Variants in HSPH1 observed in about 807,000 individuals in gnomAD.
The protein encoded by HSPH1 is heat shock protein family H (Hsp110) member 1.
HSPH1 carries 40 observed loss-of-function variants against 100.0 expected under a neutral mutation model. That is an observed-to-expected ratio of 0.40 (90% CI 0.31 to 0.52). The LOEUF is 0.52. Ranked by LOEUF, HSPH1 falls within the 20% of genes least tolerant of loss-of-function variation. The pLI is 0.54. For missense variants in HSPH1, 876 were observed against 1,015.1 expected, an observed-to-expected ratio of 0.86 and a Z score of 1.86; for synonymous variants, 403 against 344.0, an observed-to-expected ratio of 1.17 and a Z score of -1.90.
rs1329605901 is a variant in HSPH1, at chr13:31,147,383, C to T, written c.1378+576G>A. Among the ~76,000 whole-genome samples the T allele has an allele frequency of 1.3e-4, 20 of 152,072 alleles. 1 individual carries two copies. Among genetic ancestry groups the T allele is most frequent in the Non-Finnish European group, 2.6e-4 (18 of 67,964 alleles). On this transcript the variant is annotated intron_variant, in intron 10 of 17. Transcript: ENST00000320027. Reference sequence around the variant, plus strand: ...TATGAAAAGGTGTGAGGCAAGGGTACGTCCTGAAAAGACCTAGCAATATTG... The same window carrying T: ...TATGAAAAGGTGTGAGGCAAGGGTATGTCCTGAAAAGACCTAGCAATATTG...
chr13:31,146,219 A>G (rs1593191582), intron 10 of HSPH1, among the ~76,000 whole-genome samples: 1 of 152,194 alleles, frequency 6.6e-6, no homozygotes, highest in African/African-American at 2.4e-5. Flanking sequence ...GAGAACTGCT[A>G]TTGTAAAATC....
intron 12 of HSPH1, among the ~76,000 whole-genome samples, chr13:31,143,137 A>AAT (rs1956156191): frequency 6.6e-6 from 1 of 152,140 alleles, no homozygotes; most frequent in Non-Finnish European, 1.5e-5. Flanking sequence ...ACTTGTACAG[A>AAT]AAATAAAGTT....
chr13:31,142,552 G>A (rs763953654), intron 12 of HSPH1, among the ~76,000 whole-genome samples: 1 of 152,052 alleles, frequency 6.6e-6, no homozygotes, highest in African/African-American at 2.4e-5. Context: ...GAAACAAATG[G>A]ATAACAGCAC....
chr13:31,152,136 C>T (rs1199440930), intron 5 of HSPH1: 3 of 155,468 alleles, frequency 1.9e-5, no homozygotes, highest in African/African-American at 7.2e-5. Context: ...TAGTTCCTAC[C>T]AATTTTTAGA....
chr13:31,161,692 C>G lies in HSPH1; in HGVS notation c.-110G>C. On this transcript the variant is annotated 5_prime_UTR_variant, in exon 1 of 18. Coordinates refer to ENST00000320027, the MANE Select transcript of HSPH1 (RefSeq NM_006644.4). The stretch of plus-strand genomic sequence containing the variant: ...CCTGGCCGCGTTCTGCTCCGGCCCG[C>G]GGGGTCTGGCCGTTCCTCTGACACT... The G allele has an allele frequency of 1.3e-6, 2 of 1,544,146 alleles. No individual in the cohort carries two copies. The highest frequency in any genetic ancestry group is 1.7e-6 in the Non-Finnish European group (2 of 1,151,338).
intron 3 of HSPH1, 72 bp from the exon 4 acceptor site, chr13:31,154,827 A>T: frequency 1.5e-6 from 2 of 1,306,006 alleles, no homozygotes; most frequent in Non-Finnish European, 2.1e-6. Flanking sequence ...AACTTCCAAA[A>T]ATTAGCACAC....
intron 5 of HSPH1, chr13:31,152,231 A>G (rs1394755569): frequency 6.6e-6 from 1 of 152,474 alleles, no homozygotes; most frequent in Non-Finnish European, 1.5e-5. Flanking sequence ...ACCTAAAAAC[A>G]TATTTTTACC....
chr13:31,158,907 G>A (rs749120767), intron 1 of HSPH1, 44 bp from the exon 2 acceptor site: 14 of 1,223,158 alleles, frequency 1.1e-5, no homozygotes, highest in South Asian at 6.1e-5. Flanking sequence ...CATAAAGGTT[G>A]ATATTTTAAA....
At chr13:31,157,152 T>C (rs927960966) in intron 2 of HSPH1, among the ~76,000 whole-genome samples, 6 of 152,230 alleles carry the variant, frequency 3.9e-5, no homozygotes, top group African/African-American at 1.2e-4. Flanking sequence ...TAAAATTCCT[T>C]ATGTGTCTAA....
chr13:31,149,309 CTG>C (rs1327908376), intron 8 of HSPH1, among the ~76,000 whole-genome samples: 1 of 152,090 alleles, frequency 6.6e-6, no homozygotes, highest in Non-Finnish European at 1.5e-5. Context: ...TTACAGAATC[CTG>C]TTTCATATTT....
Position 31,138,528 on chromosome 13 carries a change from T to G in HSPH1, c.2249A>C (p.Lys750Thr). ...CACTTCATTAACAGACTTCTCCACT[T>G]TTTTCATTTCAGACTCATCAATATG... Reference protein sequence around the residue: ...YNHIDESEMKKVEKSVNEVME... With the variant: ...YNHIDESEMKTVEKSVNEVME... Residue 750 changes from lysine to threonine, a missense_variant, in exon 17 of 18, where the codon AAA becomes ACA. Coordinates refer to ENST00000320027, the MANE Select transcript of HSPH1 (RefSeq NM_006644.4). 6.2e-7 allele frequency: 1 copy of G among 1,612,998 alleles called. No homozygotes were observed. The highest frequency in any genetic ancestry group is 8.5e-7 in the Non-Finnish European group (1 of 1,179,312).
At position 31,143,908 on chromosome 13, in the gene HSPH1, C is replaced by T. The variant is rs1486407329; in HGVS notation, c.1600G>A (p.Asp534Asn). The T allele has an allele frequency of 6.2e-7, 1 of 1,600,558 alleles. No homozygotes were observed. Among genetic ancestry groups the T allele is most frequent in the African/African-American group, 1.3e-5 (1 of 74,150 alleles). Residue 534 changes from aspartate (D) to asparagine (N), a missense_variant, in exon 12 of 18, where the codon GAC becomes AAC. Coordinates refer to ENST00000320027, the MANE Select transcript of HSPH1 (RefSeq NM_006644.4). Reference sequence around the variant, plus strand: ...GGCTGTGTTCCAGCTTCACTGTTGTCTTGCTGGACATTTTTCTGAAATGAA... The same window carrying T: ...GGCTGTGTTCCAGCTTCACTGTTGTTTTGCTGGACATTTTTCTGAAATGAA... The part of the protein sequence containing the change: ...NPDTDKNVQQ[D>N]NSEAGTQPQV...
At chr13:31,147,507 T>C (rs1031571311) in intron 10 of HSPH1, among the ~76,000 whole-genome samples, 1 of 152,086 alleles carries the variant, frequency 6.6e-6, no homozygotes, top group Non-Finnish European at 1.5e-5. Context: ...AAAAAACTTA[T>C]CTTTAGAAAA....
chr13:31,161,992 A>C, upstream of HSPH1: 1 of 1,535,900 alleles, frequency 6.5e-7, no homozygotes, highest in African/African-American at 1.4e-5. Flanking sequence ...CGGCGCCTCC[A>C]CCGGCCCCTC....
chr13:31,141,292 T>G, intron 12 of HSPH1, 33 bp from the exon 13 acceptor site: 1 of 1,554,456 alleles, frequency 6.4e-7, no homozygotes, highest in Admixed American at 2.0e-5. Flanking sequence ...GGAAAAAATT[T>G]TAAACAACCC....
At chr13:31,161,363 T>C (rs964560983) in intron 1 of HSPH1, 113 bp downstream of exon 1, 69 of 1,496,656 alleles carry the variant, frequency 4.6e-5, no homozygotes, top group Non-Finnish European at 4.2e-5. Context: ...GGTGCGCCGC[T>C]GCCCAAACGC....
At chr13:31,153,680 G>T (rs568031356) in intron 4 of HSPH1, among the ~76,000 whole-genome samples, 2 of 152,190 alleles carry the variant, frequency 1.3e-5, no homozygotes, top group East Asian at 3.8e-4. Context: ...ACCTAAGAGA[G>T]AGTTTAGTAC....
Position 31,138,514 on chromosome 13 carries a change from C to T in HSPH1, c.2263G>A (p.Val755Ile). The T allele has an allele frequency of 6.2e-7, 1 of 1,613,102 alleles. No homozygotes were observed. The highest frequency in any genetic ancestry group is 2.2e-5 in the East Asian group (1 of 44,864). Residue 755 changes from valine (V) to isoleucine (I), a missense_variant, in exon 17 of 18, where the codon GTT (valine) becomes ATT (isoleucine). Val to Ile is a conservative substitution (Grantham distance 29). Transcript: ENST00000320027. The part of the protein sequence containing the change: ...ESEMKKVEKS[V>I]NEVMEWMNNV... The stretch of plus-strand genomic sequence containing the variant: ...TTCATCCATTCCATCACTTCATTAA[C>T]AGACTTCTCCACTTTTTTCATTTCA...
chr13:31,161,938 A>T, upstream of HSPH1: 1 of 1,535,284 alleles, frequency 6.5e-7, no homozygotes, highest in East Asian at 2.4e-5. Context: ...AGCCTTATGT[A>T]TCGCACTGAT....
Sources: gnomAD v4.1 joint callset for allele counts (sites outside exome capture counted in the v4.1 genomes callset) on GRCh38, gnomAD v4.1.1 for gene constraint, MANE v1.5 for transcripts, NCBI Gene and HGNC (gene_info 2026-07-23, HGNC 2026-07-21) for gene names.